The following RASGEF1C variants were observed in gnomAD, a reference collection of about 807,000 sequenced individuals.
RASGEF1C encodes the protein RasGEF domain family member 1C.
In RASGEF1C, 27 loss-of-function variants were observed where a neutral mutation model predicts 58.1. The ratio of observed to expected loss-of-function variants is 0.46; its 90% CI spans 0.34 to 0.64. RASGEF1C has a LOEUF of 0.64. RASGEF1C is among the 30% of genes least tolerant of loss of function. The pLI is 0.01. For missense variants in RASGEF1C, 502 were observed against 605.1 expected (o/e 0.83, Z 1.79); for synonymous variants, 243 against 246.3 (o/e 0.99, Z 0.13).
intron 8 of RASGEF1C, 127 bp from the exon 9 acceptor site, chr5:180,118,993 G>A: frequency 1.2e-6 from 1 of 839,752 alleles, no homozygotes; most frequent in East Asian, 2.6e-5. Context: ...CACATGGTGG[G>A]TGGGTGAGGG....
At chr5:180,130,315 C>A (rs1207090861) in intron 4 of RASGEF1C, among the ~76,000 whole-genome samples, 1 of 152,172 alleles carries the variant, frequency 6.6e-6, no homozygotes, top group Non-Finnish European at 1.5e-5. Flanking sequence ...AAGGAACGAC[C>A]CCTCTCAGGA....
At chr5:180,152,815 G>A (rs892828381) in intron 1 of RASGEF1C, among the ~76,000 whole-genome samples, 7 of 151,328 alleles carry the variant, frequency 4.6e-5, no homozygotes, top group African/African-American at 1.7e-4. Flanking sequence ...GGAGGCCGAG[G>A]CAGGAGAACT....
intron 12 of RASGEF1C, among the ~76,000 whole-genome samples, chr5:180,111,090 A>G (rs4700709): frequency 0.35 from 53,376 of 151,990 alleles, 9,840 homozygotes; most frequent in East Asian, 0.48. Flanking sequence ...CCGGGATTAT[A>G]GGCGTGAGTC....
At chr5:180,181,343 A>AT (rs1404651553) in intron 1 of RASGEF1C, among the ~76,000 whole-genome samples, 1 of 152,254 alleles carries the variant, frequency 6.6e-6, no homozygotes, top group African/African-American at 2.4e-5. Flanking sequence ...CAACACTAGC[A>AT]TTGTCGTCGG....
At chr5:180,188,525 C>G (rs1756081182) in intron 1 of RASGEF1C, among the ~76,000 whole-genome samples, 1 of 152,192 alleles carries the variant, frequency 6.6e-6, no homozygotes, top group Non-Finnish European at 1.5e-5. Flanking sequence ...TAAAAACTCT[C>G]AGCCAACTAA....
At chr5:180,109,994 G>T (rs751161175) in intron 12 of RASGEF1C, among the ~76,000 whole-genome samples, 1 of 152,186 alleles carries the variant, frequency 6.6e-6, no homozygotes, top group Non-Finnish European at 1.5e-5. Flanking sequence ...GGATAAATCT[G>T]TGTTGTTTTG....
At chr5:180,206,956 A>G (rs1756499924) in intron 1 of RASGEF1C, among the ~76,000 whole-genome samples, 1 of 152,248 alleles carries the variant, frequency 6.6e-6, no homozygotes, top group Non-Finnish European at 1.5e-5. Flanking sequence ...AAGAAGATGC[A>G]GGGGTGGGAC....
At chr5:180,129,113 G>C (rs1766318435) in intron 4 of RASGEF1C, among the ~76,000 whole-genome samples, 2 of 152,228 alleles carry the variant, frequency 1.3e-5, no homozygotes, top group Admixed American at 6.5e-5. Flanking sequence ...GAGGTCAGTG[G>C]AAGGGCCAGG....
intron 1 of RASGEF1C, among the ~76,000 whole-genome samples, chr5:180,174,528 GTC>G (rs562966185): frequency 1.4e-3 from 207 of 148,108 alleles, no homozygotes; most frequent in South Asian, 2.6e-3. Flanking sequence ...ACACACGTGT[GTC>G]TCTGTGTGTG....
intron 1 of RASGEF1C, among the ~76,000 whole-genome samples, chr5:180,191,458 G>A (rs977607204): frequency 1.1e-4 from 17 of 152,220 alleles, no homozygotes; most frequent in South Asian, 6.2e-4. Flanking sequence ...CCGGGTTCAC[G>A]CCATTCTCCT....
At chr5:180,182,160 G>C (rs1478704341) in intron 1 of RASGEF1C, among the ~76,000 whole-genome samples, 5 of 130,736 alleles carry the variant, frequency 3.8e-5, no homozygotes, top group Admixed American at 8.6e-5. Flanking sequence ...AGTCGAGATC[G>C]CGCCACTGAA....
intron 1 of RASGEF1C, among the ~76,000 whole-genome samples, chr5:180,175,448 C>A (rs544012610): frequency 2.2e-4 from 33 of 152,346 alleles, no homozygotes; most frequent in African/African-American, 7.7e-4. Flanking sequence ...GCTTCTTGGG[C>A]ACACCTGCCA....
chr5:180,114,972 G>A (rs2113247284), intron 10 of RASGEF1C, among the ~76,000 whole-genome samples: 1 of 152,268 alleles, frequency 6.6e-6, no homozygotes, highest in Middle Eastern at 3.4e-3. Flanking sequence ...ACACACTGTT[G>A]AAGACACATG....
chr5:180,148,385 C>A (rs1436990475), intron 1 of RASGEF1C, among the ~76,000 whole-genome samples: 1 of 19,202 alleles, frequency 5.2e-5, no homozygotes, highest in Non-Finnish European at 1.2e-3. Flanking sequence ...TGCCATTTTG[C>A]TGTTTTTTTT....
At chr5:180,110,567 T>G (rs76698105) in intron 12 of RASGEF1C, among the ~76,000 whole-genome samples, 1,604 of 152,206 alleles carry the variant, frequency 0.011, 39 homozygotes, top group African/African-American at 0.037. Context: ...CAGGGCCACT[T>G]GCTTCTCTAC....
At chr5:180,142,156 C>T (rs913519646) in intron 1 of RASGEF1C, among the ~76,000 whole-genome samples, 10 of 152,186 alleles carry the variant, frequency 6.6e-5, no homozygotes, top group South Asian at 2.1e-4. Flanking sequence ...ACGTTCTGCT[C>T]GTACCCTGTA....
chr5:180,172,079 A>G (rs978695681), intron 1 of RASGEF1C, among the ~76,000 whole-genome samples: 5 of 152,214 alleles, frequency 3.3e-5, no homozygotes, highest in African/African-American at 9.6e-5. Flanking sequence ...AGTGTTTAAA[A>G]AGTCTCAATA....
chr5:180,119,198 G>T lies in RASGEF1C; in HGVS notation c.907+148C>A, dbSNP rs547737071. On this transcript the variant is annotated intron_variant, in intron 8 of 13. Coordinates refer to ENST00000361132, the MANE Select transcript of RASGEF1C (RefSeq NM_175062.4). ...AGGACCTCTGAGGTGGGGACATGGG[G>T]CTGCCCAGGCCTTCAGAGAGCCCGG... 6.0e-5 allele frequency: 42 copies of T among 704,878 alleles called. No homozygotes were observed. In the African/African-American group the frequency reaches 6.7e-4, roughly 11 times the overall value. 43.7% of individuals were successfully genotyped at this position (704,878 alleles called of 1,614,324 possible).
intron 1 of RASGEF1C, among the ~76,000 whole-genome samples, chr5:180,149,706 G>A (rs936161227): frequency 3.3e-5 from 5 of 151,548 alleles, no homozygotes; most frequent in Admixed American, 1.3e-4. Context: ...CACCCGCCTC[G>A]GCCTCCCAAA....
Sources: gnomAD v4.1 joint callset for allele counts (sites outside exome capture counted in the v4.1 genomes callset) on GRCh38, gnomAD v4.1.1 for gene constraint, MANE v1.5 for transcripts, NCBI Gene and HGNC (gene_info 2026-07-23, HGNC 2026-07-21) for gene names.